SHROOM3: variants seen among roughly 807,000 people sequenced by gnomAD.
SHROOM3 encodes the protein shroom family member 3, also known as protein Shroom3.
A neutral mutation model predicts 138.6 loss-of-function variants in SHROOM3; 47 were observed. The observed-to-expected ratio is 0.34, with a 90% confidence interval of 0.27 to 0.43. The LOEUF is 0.43. SHROOM3 is among the 20% of genes least tolerant of loss of function. The probability of loss-of-function intolerance (pLI) is 1.00; values close to 1 mark genes in which losing one functional copy is unlikely to be tolerated. For missense variants in SHROOM3, 2,491 were observed against 2,596.5 expected, an observed-to-expected ratio of 0.96 and a Z score of 0.88; for synonymous variants, 1,062 against 1,063.3, an observed-to-expected ratio of 1.00 and a Z score of 0.02.
chr4:76,538,427 A>G (rs1733027131), intron 1 of SHROOM3, among the ~76,000 whole-genome samples: 1 of 152,162 alleles, frequency 6.6e-6, no homozygotes, highest in Admixed American at 6.5e-5. Context: ...CAAGTACTGG[A>G]AGGACATCTG....
At chr4:76,505,982 T>C (rs1255922134) in intron 1 of SHROOM3, among the ~76,000 whole-genome samples, 1 of 151,982 alleles carries the variant, frequency 6.6e-6, no homozygotes, top group Non-Finnish European at 1.5e-5. Flanking sequence ...TGGAAGGATG[T>C]CATCAATGAT....
At chr4:76,686,243 C>T (rs553145711) in intron 2 of SHROOM3, among the ~76,000 whole-genome samples, 10 of 152,092 alleles carry the variant, frequency 6.6e-5, no homozygotes, top group South Asian at 4.2e-4. Flanking sequence ...TGGTCTTGAG[C>T]AATCCTCCCA....
chr4:76,621,713 GAGTA>G (rs1339302588), intron 2 of SHROOM3, among the ~76,000 whole-genome samples: 1 of 152,162 alleles, frequency 6.6e-6, no homozygotes, highest in Non-Finnish European at 1.5e-5. Flanking sequence ...AACTAATATG[GAGTA>G]AGTGTTTATG....
chr4:76,649,105 G>C (rs954152856), intron 2 of SHROOM3, among the ~76,000 whole-genome samples: 5 of 152,062 alleles, frequency 3.3e-5, no homozygotes, highest in African/African-American at 7.2e-5. Flanking sequence ...ACATGCCACC[G>C]GCTAGCTAGT....
At chr4:76,492,053 G>C (rs1008538852) in intron 1 of SHROOM3, among the ~76,000 whole-genome samples, 1 of 152,168 alleles carries the variant, frequency 6.6e-6, no homozygotes, top group Non-Finnish European at 1.5e-5. Context: ...TCTTAGGCCC[G>C]CTTTGCTGCT....
chr4:76,710,082 G>T, intron 2 of SHROOM3, 74 bp from the exon 3 acceptor site: 3 of 1,607,982 alleles, frequency 1.9e-6, no homozygotes, highest in South Asian at 2.2e-5. Flanking sequence ...TGCTTTTTCG[G>T]TTTTTAAGAT....
chr4:76,623,101 C>A (rs1213080052), intron 2 of SHROOM3, among the ~76,000 whole-genome samples: 1 of 152,190 alleles, frequency 6.6e-6, no homozygotes, highest in Non-Finnish European at 1.5e-5. Flanking sequence ...TAACACATTT[C>A]ATGCTTTTGA....
chr4:76,632,935 G>C (rs1449407148), intron 2 of SHROOM3, among the ~76,000 whole-genome samples: 2 of 152,068 alleles, frequency 1.3e-5, no homozygotes, highest in South Asian at 4.1e-4. Context: ...GAAAAACCCA[G>C]TATTTATAGA....
intron 2 of SHROOM3, among the ~76,000 whole-genome samples, chr4:76,655,197 A>G (rs185203253): frequency 6.6e-6 from 1 of 152,326 alleles, no homozygotes; most frequent in East Asian, 1.9e-4. Flanking sequence ...ATATGCAAAT[A>G]TCCCCCACCT....
intron 9 of SHROOM3, among the ~76,000 whole-genome samples, chr4:76,767,467 C>T (rs1722201120): frequency 6.6e-6 from 1 of 152,206 alleles, no homozygotes; most frequent in African/African-American, 2.4e-5. Flanking sequence ...TAACTGAGGT[C>T]AGGAGTTCGA....
At chr4:76,454,365 G>A (rs879470271) in intron 1 of SHROOM3, among the ~76,000 whole-genome samples, 2 of 152,088 alleles carry the variant, frequency 1.3e-5, no homozygotes, top group Non-Finnish European at 2.9e-5. Flanking sequence ...TATGGTATAA[G>A]GTAAGGGTCC....
chr4:76,547,565 C>T (rs529618192), intron 1 of SHROOM3, among the ~76,000 whole-genome samples: 3 of 152,240 alleles, frequency 2.0e-5, no homozygotes, highest in Non-Finnish European at 2.9e-5. Context: ...ACAAGACAGA[C>T]ACAAATCCCT....
intron 2 of SHROOM3, among the ~76,000 whole-genome samples, chr4:76,702,782 G>C (rs570950351): frequency 6.6e-6 from 1 of 152,298 alleles, no homozygotes; most frequent in African/African-American, 2.4e-5. Flanking sequence ...TGGGCTACTA[G>C]CTGTGTCAAA....
Position 76,461,018 on chromosome 4 carries a change from T to A in SHROOM3, c.168+24798T>A, listed in dbSNP as rs866764134. On this transcript the variant is annotated intron_variant, in intron 1 of 10. Transcript: ENST00000296043. ...TTCGAAAAAATACAAATAAAAAAAA[T>A]TTAAAAAAAAAAAGAAGAAAAAGCA... Among the ~76,000 whole-genome samples the A allele has an allele frequency of 9.8e-3, 1,439 of 146,386 alleles. 9 individuals are homozygous for A. The highest frequency in any genetic ancestry group is 0.046 in the South Asian group (193 of 4,240).
intron 4 of SHROOM3, among the ~76,000 whole-genome samples, chr4:76,736,260 A>G (rs1721069010): frequency 2.0e-5 from 3 of 152,106 alleles, no homozygotes; most frequent in Admixed American, 2.0e-4. Flanking sequence ...GACATATGCT[A>G]TGCCATTGAG....
intron 2 of SHROOM3, among the ~76,000 whole-genome samples, chr4:76,605,444 G>A (rs984020498): frequency 6.6e-6 from 1 of 152,178 alleles, no homozygotes; most frequent in African/African-American, 2.4e-5. Context: ...AACTAGGCAT[G>A]CCTTTTAGCC....
intron 1 of SHROOM3, among the ~76,000 whole-genome samples, chr4:76,457,383 T>G (rs978565153): frequency 6.6e-6 from 1 of 152,124 alleles, no homozygotes; most frequent in Admixed American, 6.6e-5. Context: ...TCATTCCCCC[T>G]TTGCTTTCCA....
At chr4:76,487,636 A>G (rs1409898956) in intron 1 of SHROOM3, among the ~76,000 whole-genome samples, 1 of 149,996 alleles carries the variant, frequency 6.7e-6, no homozygotes, top group African/African-American at 2.5e-5. Flanking sequence ...CCGGTAGGTG[A>G]ACCACAGAAA....
At chr4:76,585,421 TTC>T (rs1271706235) in intron 2 of SHROOM3, among the ~76,000 whole-genome samples, 1 of 152,166 alleles carries the variant, frequency 6.6e-6, no homozygotes, top group African/African-American at 2.4e-5. Flanking sequence ...CCTTTTCTCT[TTC>T]TCTCTCTCTT....
Sources: allele counts gnomAD v4.1 joint callset (sites outside exome capture counted in the v4.1 genomes callset), GRCh38; gene constraint gnomAD v4.1.1; transcripts MANE v1.5; gene names NCBI Gene and HGNC (gene_info 2026-07-23, HGNC 2026-07-21).